The following DACH1 variants were observed in gnomAD, a reference collection of about 807,000 sequenced individuals.
DACH1 encodes dachshund family transcription factor 1.
A neutral mutation model predicts 54.2 loss-of-function variants in DACH1; 12 were observed. The observed-to-expected ratio is 0.22, with a 90% CI of 0.14 to 0.36. The LOEUF (loss-of-function observed/expected upper bound fraction) is 0.36. Ranked by LOEUF, DACH1 falls within the 10% of genes least tolerant of loss-of-function variation. The pLI is 1.00. For synonymous variants in DACH1, 386 were observed against 366.2 expected (o/e 1.05, Z -0.62); for missense variants, 805 against 929.8 (o/e 0.87, Z 1.75).
chr13:71,477,913 G>A (rs745820213), intron 8 of DACH1, among the ~76,000 whole-genome samples: 53 of 152,176 alleles, frequency 3.5e-4, no homozygotes, highest in Admixed American at 7.2e-4. Flanking sequence ...GGAACTTTAC[G>A]GTGTGATCTG....
At chr13:71,614,123 A>G (rs1875567611) in intron 3 of DACH1, among the ~76,000 whole-genome samples, 1 of 152,186 alleles carries the variant, frequency 6.6e-6, no homozygotes, top group African/African-American at 2.4e-5. Context: ...CTGGAACTAT[A>G]TGAAGGTTCT....
intron 2 of DACH1, among the ~76,000 whole-genome samples, chr13:71,635,873 C>T (rs1178864535): frequency 2.6e-5 from 4 of 151,974 alleles, no homozygotes; most frequent in Admixed American, 1.3e-4. Flanking sequence ...CTCCACCTTC[C>T]GGGTTCAAGC....
chr13:71,519,891 A>ATATATATATATATATATATATATC (rs2138278143), intron 6 of DACH1, among the ~76,000 whole-genome samples: 1 of 127,508 alleles, frequency 7.8e-6, no homozygotes, highest in South Asian at 2.5e-4. Context: ...TAGTATATAT[A>ATATATATATATATATATATATATC]TATATATATA....
intron 1 of DACH1, among the ~76,000 whole-genome samples, chr13:71,846,724 GGTT>G (rs1410442680): frequency 2.6e-5 from 4 of 152,116 alleles, no homozygotes; most frequent in Non-Finnish European, 1.5e-5. Context: ...AGATTTCTTG[GGTT>G]CTATTACCTC....
At chr13:71,780,753 G>A (rs932361269) in intron 1 of DACH1, among the ~76,000 whole-genome samples, 2 of 151,812 alleles carry the variant, frequency 1.3e-5, no homozygotes, top group Admixed American at 1.3e-4. Context: ...TGCTATAAAA[G>A]TGAAATCACT....
At chr13:71,697,032 C>A (rs1194254043) in intron 1 of DACH1, among the ~76,000 whole-genome samples, 1 of 152,182 alleles carries the variant, frequency 6.6e-6, no homozygotes, top group African/African-American at 2.4e-5. Flanking sequence ...GCAAAGTGCA[C>A]TGGGTCCACT....
At chr13:71,853,350 G>A (rs528967463) in intron 1 of DACH1, among the ~76,000 whole-genome samples, 1 of 152,260 alleles carries the variant, frequency 6.6e-6, no homozygotes, top group Non-Finnish European at 1.5e-5. Flanking sequence ...TTACTTTAAT[G>A]CATTGTTATT....
At chr13:71,583,128 A>T (rs1593933938) in intron 3 of DACH1, among the ~76,000 whole-genome samples, 1 of 152,218 alleles carries the variant, frequency 6.6e-6, no homozygotes, top group East Asian at 1.9e-4. Flanking sequence ...TTATTTTAAA[A>T]ATGATCTAAT....
intron 1 of DACH1, among the ~76,000 whole-genome samples, chr13:71,727,711 T>G (rs549514388): frequency 1.3e-5 from 2 of 152,210 alleles, no homozygotes; most frequent in Admixed American, 6.5e-5. Context: ...TCAGAGACTG[T>G]TAGCATTTCA....
chr13:71,778,526 G>A (rs905462197), intron 1 of DACH1, among the ~76,000 whole-genome samples: 1 of 151,786 alleles, frequency 6.6e-6, no homozygotes, highest in African/African-American at 2.4e-5. Flanking sequence ...CCAATTTTTG[G>A]AGAAATTTAA....
At chr13:71,790,610 A>G (rs1366410019) in intron 1 of DACH1, among the ~76,000 whole-genome samples, 1 of 152,222 alleles carries the variant, frequency 6.6e-6, no homozygotes, top group Non-Finnish European at 1.5e-5. Flanking sequence ...GAACCAAAGT[A>G]GTATAATGAG....
chr13:71,781,483 A>G (rs1886375797), intron 1 of DACH1, among the ~76,000 whole-genome samples: 1 of 151,644 alleles, frequency 6.6e-6, no homozygotes, highest in African/African-American at 2.4e-5. Flanking sequence ...GGTTCATGCC[A>G]TTCTCCTGCC....
intron 1 of DACH1, among the ~76,000 whole-genome samples, chr13:71,864,444 T>A (rs1874578686): frequency 6.6e-6 from 1 of 152,116 alleles, no homozygotes; most frequent in Non-Finnish European, 1.5e-5. Context: ...GTCCTTCTGG[T>A]CTCCTTGCTA....
At chr13:71,717,833 C>T (rs1359968160) in intron 1 of DACH1, among the ~76,000 whole-genome samples, 1 of 151,858 alleles carries the variant, frequency 6.6e-6, no homozygotes, top group African/African-American at 2.4e-5. Flanking sequence ...GATCTAACAT[C>T]TCTTTCGTTT....
chr13:71,864,388 A>C (rs1412082796), intron 1 of DACH1, among the ~76,000 whole-genome samples: 1 of 152,064 alleles, frequency 6.6e-6, no homozygotes, highest in Non-Finnish European at 1.5e-5. Context: ...AACAGAGAAG[A>C]AGTCTTTCTC....
chr13:71,798,995 T>C (rs1209959044), intron 1 of DACH1, among the ~76,000 whole-genome samples: 1 of 152,126 alleles, frequency 6.6e-6, no homozygotes, highest in Non-Finnish European at 1.5e-5. Context: ...TATACACACT[T>C]AATTGATCTC....
At chr13:71,701,725 G>A (rs1004389810) in intron 1 of DACH1, among the ~76,000 whole-genome samples, 7 of 152,104 alleles carry the variant, frequency 4.6e-5, no homozygotes, top group Admixed American at 2.6e-4. Flanking sequence ...AGTATCCTGT[G>A]TGAGATGATA....
intron 2 of DACH1, among the ~76,000 whole-genome samples, chr13:71,658,534 G>A (rs1334406897): frequency 1.3e-5 from 2 of 152,056 alleles, no homozygotes; most frequent in Admixed American, 6.6e-5. Context: ...TGGGCAATAA[G>A]AGCGAAACTC....
At chr13:71,442,217 T>C (rs1286953148) in intron 10 of DACH1, among the ~76,000 whole-genome samples, 1 of 152,054 alleles carries the variant, frequency 6.6e-6, no homozygotes, top group African/African-American at 2.4e-5. Flanking sequence ...CTGGCAACCA[T>C]CATTCTACAC....
Sources: allele counts gnomAD v4.1 joint callset (sites outside exome capture counted in the v4.1 genomes callset), GRCh38; gene constraint gnomAD v4.1.1; transcripts MANE v1.5; gene names NCBI Gene and HGNC (gene_info 2026-07-23, HGNC 2026-07-21).